Variants in TMEM161B observed in about 807,000 individuals in gnomAD.
TMEM161B encodes transmembrane protein 161B.
TMEM161B carries 34 observed loss-of-function variants against 61.8 expected under a neutral mutation model. That is an observed-to-expected ratio of 0.55 (90% CI 0.42 to 0.73). The LOEUF is 0.73. Ranked by LOEUF, TMEM161B falls within the 30% of genes least tolerant of loss-of-function variation. The pLI, the probability that TMEM161B is intolerant of heterozygous loss-of-function variation, is 0.00. For missense variants in TMEM161B, 456 were observed against 558.5 expected (o/e 0.82, Z 1.85); for synonymous variants, 167 against 192.8 (o/e 0.87, Z 1.11).
At chr5:88,229,331 T>G (rs1750586556) in intron 2 of TMEM161B, among the ~76,000 whole-genome samples, 1 of 152,140 alleles carries the variant, frequency 6.6e-6, no homozygotes, top group Non-Finnish European at 1.5e-5. Flanking sequence ...CTTAAAATTC[T>G]AAACTCTGCC....
Position 88,189,832 on chromosome 5 carries a change from G to A in TMEM161B, c.*220C>T. 5.6e-6 allele frequency: 3 copies of A among 535,530 alleles called. No individual in the cohort carries two copies. The South Asian group carries it at 6.9e-5, about 12-fold the overall frequency. 33.2% of individuals were successfully genotyped at this position (535,530 alleles called of 1,614,324 possible). A position where few individuals can be genotyped will look rare whatever the true frequency, so the allele number is the denominator to read the frequency against. ...TTAAATAATACCATAGGGAGAGCCT[G>A]TATCCATTTTAATCCTTTTTCCTGA... On this transcript the variant is annotated 3_prime_UTR_variant, in exon 13 of 13. Transcript: ENST00000514135.
chr5:88,242,340 G>A (rs1752880516), intron 1 of TMEM161B, among the ~76,000 whole-genome samples: 1 of 148,194 alleles, frequency 6.7e-6, no homozygotes, highest in African/African-American at 2.4e-5. Context: ...TATCCTACAT[G>A]GTACACCATA....
chr5:88,201,226 T>C (rs1390806263), intron 9 of TMEM161B: 6 of 152,038 alleles, frequency 3.9e-5, no homozygotes, highest in Admixed American at 6.6e-5. Flanking sequence ...GGTCTTTATA[T>C]ACAAACAATA....
chr5:88,261,395 T>C (rs1281504808), intron 1 of TMEM161B, among the ~76,000 whole-genome samples: 1 of 150,250 alleles, frequency 6.7e-6, no homozygotes, highest in Non-Finnish European at 1.5e-5. Context: ...ATTTTAAGGG[T>C]ATCAAAAAAA....
intron 11 of TMEM161B, 68 bp from the exon 12 acceptor site, chr5:88,196,556 AT>A: frequency 6.9e-6 from 10 of 1,448,612 alleles, no homozygotes; most frequent in South Asian, 1.4e-5. Flanking sequence ...TTAAAAAAAA[AT>A]CTTCCTATAT....
intron 4 of TMEM161B, among the ~76,000 whole-genome samples, chr5:88,224,063 T>C (rs1003765646): frequency 2.0e-5 from 3 of 152,170 alleles, no homozygotes; most frequent in African/African-American, 4.8e-5. Context: ...ATAATCCTAT[T>C]TGAGATGCTG....
chr5:88,218,948 CAT>C (rs1472720244), intron 5 of TMEM161B, among the ~76,000 whole-genome samples: 4 of 132,170 alleles, frequency 3.0e-5, no homozygotes, highest in Non-Finnish European at 3.5e-5. Flanking sequence ...AGGAGGCAGA[CAT>C]AGAATATCTT....
intron 5 of TMEM161B, among the ~76,000 whole-genome samples, chr5:88,212,382 C>A (rs1746992105): frequency 6.6e-6 from 1 of 152,136 alleles, no homozygotes; most frequent in Non-Finnish European, 1.5e-5. Context: ...ACAAGTAGGA[C>A]AATTTCCTCA....
chr5:88,243,210 T>C (rs373041066), intron 1 of TMEM161B, among the ~76,000 whole-genome samples: 1 of 151,724 alleles, frequency 6.6e-6, no homozygotes, highest in East Asian at 1.9e-4. Context: ...TAGTACCTGA[T>C]AGGTAGTTTT....
chr5:88,239,028 CAAAG>C (rs1372277143), intron 2 of TMEM161B, among the ~76,000 whole-genome samples: 1 of 151,886 alleles, frequency 6.6e-6, no homozygotes, highest in East Asian at 1.9e-4. Flanking sequence ...GTCAAGATCA[CAAAG>C]AAAACCAATT....
Position 88,207,270 on chromosome 5 carries a change from GACTACA to G in TMEM161B, c.447-96_447-91del, listed in dbSNP as rs1745692277. 2 of 1,200,170 alleles carry G rather than the reference GACTACA, an allele frequency of 1.7e-6. 1 individual carries two copies. The highest frequency in any genetic ancestry group is 2.3e-6 in the Non-Finnish European group (2 of 871,290). 74.3% of individuals were successfully genotyped at this position (1,200,170 alleles called of 1,614,324 possible). A position where few individuals can be genotyped will look rare whatever the true frequency, so the allele number is the denominator to read the frequency against. On this transcript the variant is annotated intron_variant, in intron 5 of 11. Coordinates refer to ENST00000296595, the MANE Select transcript of TMEM161B (RefSeq NM_153354.5). ...ATAGGACTTGATTGCAATAAAATTT[GACTACA>G]ACATTTATTTCCAAGTGGAGTTTAA...
chr5:88,187,845 C>T (rs1054250645), downstream of TMEM161B, among the ~76,000 whole-genome samples: 2 of 151,856 alleles, frequency 1.3e-5, no homozygotes, highest in Non-Finnish European at 2.9e-5. Flanking sequence ...TTCTACTTTC[C>T]TTAGGTTTGA....
intron 1 of TMEM161B, among the ~76,000 whole-genome samples, 158 bp downstream of exon 1, chr5:88,268,562 CT>C (rs1429880042): frequency 6.6e-6 from 1 of 152,204 alleles, no homozygotes; most frequent in Non-Finnish European, 1.5e-5. Flanking sequence ...TCCTCAGGGG[CT>C]CAGACACCCT....
At position 88,195,121 on chromosome 5, in the gene TMEM161B, T is replaced by G; in HGVS notation, c.*1090A>C. 1 of 984,656 alleles carries G rather than the reference T, an allele frequency of 1.0e-6. No homozygotes were observed. The highest frequency in any genetic ancestry group is 1.2e-6 in the Non-Finnish European group (1 of 828,944). 61.0% of individuals were successfully genotyped at this position (984,656 alleles called of 1,614,324 possible). On this transcript the variant is annotated 3_prime_UTR_variant, in exon 12 of 12. Coordinates refer to ENST00000296595, the MANE Select transcript of TMEM161B (RefSeq NM_153354.5). The stretch of plus-strand genomic sequence containing the variant: ...ATTTTTGGAAATGACAGAAAAAGAA[T>G]TTTAATTTGGGAGAAACCATTAAGC...
At chr5:88,190,241 T>C (rs1471309862), downstream of TMEM161B, 3 of 700,922 alleles carry the variant, frequency 4.3e-6, no homozygotes, top group Non-Finnish European at 7.8e-6. Flanking sequence ...GTGGAACGGC[T>C]GGACCTTGCC....
intron 2 of TMEM161B, among the ~76,000 whole-genome samples, chr5:88,234,156 G>A (rs1482113499): frequency 6.6e-6 from 1 of 152,048 alleles, no homozygotes; most frequent in East Asian, 1.9e-4. Context: ...AAAAGTGTGT[G>A]TGGTAACAGG....
chr5:88,253,693 T>C (rs1011026807), intron 1 of TMEM161B, among the ~76,000 whole-genome samples: 4 of 152,088 alleles, frequency 2.6e-5, no homozygotes, highest in Non-Finnish European at 5.9e-5. Context: ...GCAACTATAA[T>C]GGGAAAAATA....
intron 2 of TMEM161B, among the ~76,000 whole-genome samples, chr5:88,232,029 A>AT (rs1353373828): frequency 6.6e-6 from 1 of 151,962 alleles, no homozygotes; most frequent in Non-Finnish European, 1.5e-5. Flanking sequence ...CATTCCAGCA[A>AT]TTTTTTTCCA....
At chr5:88,190,268 G>T (rs1313584964), downstream of TMEM161B, 4 of 695,402 alleles carry the variant, frequency 5.8e-6, no homozygotes, top group East Asian at 3.1e-5. Context: ...TATGCTGTCG[G>T]CAGGTAACAC....
Sources: gnomAD v4.1 joint callset for allele counts (sites outside exome capture counted in the v4.1 genomes callset) on GRCh38, gnomAD v4.1.1 for gene constraint, MANE v1.5 for transcripts, NCBI Gene and HGNC (gene_info 2026-07-23, HGNC 2026-07-21) for gene names.